Variants in NCALD observed in about 807,000 individuals in gnomAD.
NCALD encodes the protein neurocalcin delta, also known as neurocalcin-delta.
In NCALD, 10 loss-of-function variants were observed where a neutral mutation model predicts 18.6. That is an observed-to-expected ratio of 0.54 (90% CI 0.33 to 0.91). The LOEUF (loss-of-function observed/expected upper bound fraction) is 0.91. NCALD is among the 40% of genes least tolerant of loss of function. The pLI, the probability that NCALD is intolerant of heterozygous loss-of-function variation, is 0.03. For missense variants in NCALD, 184 were observed against 247.6 expected, an observed-to-expected ratio of 0.74 and a Z score of 1.72; for synonymous variants, 88 against 87.4, an observed-to-expected ratio of 1.01 and a Z score of -0.04.
intron 4 of NCALD, among the ~76,000 whole-genome samples, chr8:101,863,464 T>A (rs988369707): frequency 6.6e-6 from 1 of 151,936 alleles, no homozygotes; most frequent in Non-Finnish European, 1.5e-5. Context: ...TTTCTCACTT[T>A]TTTTTTTTTA....
chr8:101,722,472 G>T (rs552411870), intron 1 of NCALD, among the ~76,000 whole-genome samples: 1 of 152,288 alleles, frequency 6.6e-6, no homozygotes, highest in Admixed American at 6.5e-5. Context: ...GAGTTCTTTA[G>T]AATATATCTC....
At chr8:102,085,497 G>A (rs1824707644) in intron 1 of NCALD, among the ~76,000 whole-genome samples, 1 of 152,190 alleles carries the variant, frequency 6.6e-6, no homozygotes, top group Admixed American at 6.5e-5. Flanking sequence ...GCTCATGCCT[G>A]TAATCCCAGC....
intron 2 of NCALD, chr8:101,694,529 C>A (rs1291670625): frequency 6.6e-6 from 1 of 152,186 alleles, no homozygotes; most frequent in Non-Finnish European, 1.5e-5. Flanking sequence ...TGTCTCAAAC[C>A]CACCCAATGT....
intron 1 of NCALD, among the ~76,000 whole-genome samples, chr8:101,732,276 G>A (rs1428146156): frequency 2.0e-5 from 3 of 152,152 alleles, no homozygotes. Context: ...CATGGACTGG[G>A]GAGGCAAATA....
intron 1 of NCALD, among the ~76,000 whole-genome samples, chr8:101,783,741 T>C (rs1167227883): frequency 2.0e-5 from 3 of 152,212 alleles, no homozygotes; most frequent in Non-Finnish European, 4.4e-5. Context: ...GAGCGAGATC[T>C]TGCTAAGGCA....
rs957797583 is a variant in NCALD at position 102,114,603 on chromosome 8, C to T, written c.-210+9634G>A. 3.3e-5 allele frequency among the ~76,000 whole-genome samples: 5 copies of T among 152,148 alleles called. No homozygotes were observed. In the East Asian group the frequency reaches 7.7e-4, roughly 23 times the overall value. Reference sequence around the variant, plus strand: ...GCGATATGGAGAGGATAGCTGCAGGCGCTGTGGTCTTTAGCACACACACAC... The same window carrying T: ...GCGATATGGAGAGGATAGCTGCAGGTGCTGTGGTCTTTAGCACACACACAC... On this transcript the variant is annotated intron_variant, in intron 1 of 6. Transcript: ENST00000311028.
At position 101,762,852 on chromosome 8, in the gene NCALD, A is replaced by G. The variant is rs563652679; in HGVS notation, c.-20+28010T>C. Among the ~76,000 whole-genome samples, 11 of 152,244 alleles carry G rather than the reference A, an allele frequency of 7.2e-5. No homozygotes were observed. The East Asian group carries it at 7.7e-4, about 11-fold the overall frequency. On this transcript the variant is annotated intron_variant, in intron 1 of 3. Transcript: ENST00000220931. The stretch of plus-strand genomic sequence containing the variant: ...CTCCCAAAGTGCTGGGATTACAGGC[A>G]TGAGCCACCACGCCCAGCCAAGGCC...
chr8:101,767,972 T>A (rs1811420027), intron 1 of NCALD, among the ~76,000 whole-genome samples: 1 of 152,216 alleles, frequency 6.6e-6, no homozygotes, highest in Non-Finnish European at 1.5e-5. Flanking sequence ...CCAAAAACTT[T>A]GCATATTTTA....
intron 4 of NCALD, among the ~76,000 whole-genome samples, chr8:101,810,833 T>C (rs1355883239): frequency 6.6e-6 from 1 of 152,132 alleles, no homozygotes; most frequent in East Asian, 1.9e-4. Flanking sequence ...AAATCAATGT[T>C]CTAACACTGT....
At chr8:102,079,014 A>G (rs913997543) in intron 1 of NCALD, among the ~76,000 whole-genome samples, 2 of 152,188 alleles carry the variant, frequency 1.3e-5, no homozygotes, top group African/African-American at 2.4e-5. Context: ...AACATGCTTG[A>G]ACCTAGTGGA....
At chr8:101,752,326 A>G (rs182156309) in intron 1 of NCALD, among the ~76,000 whole-genome samples, 3 of 152,362 alleles carry the variant, frequency 2.0e-5, no homozygotes, top group East Asian at 3.9e-4. Flanking sequence ...ACTACCTTAA[A>G]AAAGTAAAAT....
chr8:101,884,835 C>G (rs1586691038), intron 4 of NCALD, among the ~76,000 whole-genome samples: 1 of 152,084 alleles, frequency 6.6e-6, no homozygotes, highest in Admixed American at 6.6e-5. Context: ...TTGAAAACAT[C>G]TGGAAGAACA....
At chr8:102,090,775 A>G (rs550284019) in intron 1 of NCALD, among the ~76,000 whole-genome samples, 1 of 152,316 alleles carries the variant, frequency 6.6e-6, no homozygotes, top group South Asian at 2.1e-4. Flanking sequence ...AGTATTCTTA[A>G]TTATGGCAAT....
At chr8:101,934,126 T>G (rs1387893858) in intron 2 of NCALD, among the ~76,000 whole-genome samples, 1 of 146,968 alleles carries the variant, frequency 6.8e-6, no homozygotes, top group East Asian at 2.4e-4. Flanking sequence ...ACCTCTTGAG[T>G]TCTGTACTAG....
chr8:101,835,051 G>A (rs565163933), intron 4 of NCALD, among the ~76,000 whole-genome samples: 1 of 152,320 alleles, frequency 6.6e-6, no homozygotes, highest in African/African-American at 2.4e-5. Flanking sequence ...AGTTTCCAAA[G>A]GTTATGTTTA....
chr8:101,849,685 T>G (rs1321026882), intron 4 of NCALD, among the ~76,000 whole-genome samples: 3 of 152,152 alleles, frequency 2.0e-5, no homozygotes, highest in African/African-American at 7.2e-5. Context: ...CTAATCTTTC[T>G]AAAATTAGCC....
intron 2 of NCALD, among the ~76,000 whole-genome samples, chr8:102,004,924 A>G (rs1258995939): frequency 1.3e-5 from 2 of 152,244 alleles, no homozygotes; most frequent in Non-Finnish European, 2.9e-5. Flanking sequence ...AACCATAAAA[A>G]TCCTAGAAGA....
At chr8:102,030,691 C>T (rs1464246133) in intron 1 of NCALD, among the ~76,000 whole-genome samples, 2 of 152,070 alleles carry the variant, frequency 1.3e-5, no homozygotes, top group Admixed American at 1.3e-4. Flanking sequence ...GCCTGGCCAA[C>T]ATGGCAAAAC....
intron 2 of NCALD, among the ~76,000 whole-genome samples, chr8:101,921,097 T>C (rs1818149018): frequency 6.6e-6 from 1 of 152,118 alleles, no homozygotes; most frequent in Non-Finnish European, 1.5e-5. Context: ...TTAGATCCCA[T>C]TACTAATGGG....
Sources: allele counts gnomAD v4.1 joint callset (sites outside exome capture counted in the v4.1 genomes callset), GRCh38; gene constraint gnomAD v4.1.1; transcripts MANE v1.5; gene names NCBI Gene and HGNC (gene_info 2026-07-23, HGNC 2026-07-21).